Variants in CARD14 observed in about 807,000 individuals in gnomAD.
The protein encoded by CARD14 is caspase recruitment domain-containing protein 14.
A neutral mutation model predicts 111.5 loss-of-function variants in CARD14; 107 were observed. That is an observed-to-expected ratio of 0.96 (90% CI 0.82 to 1.13). CARD14 has a LOEUF of 1.13. Ranked by LOEUF, CARD14 falls within the 50% of genes most tolerant of loss-of-function variation. The pLI, the probability that CARD14 is intolerant of heterozygous loss-of-function variation, is 0.00. For synonymous variants in CARD14, 617 were observed against 579.6 expected (o/e 1.06, Z -0.93); for missense variants, 1,322 against 1,362.3 (o/e 0.97, Z 0.47).
At chr17:80,196,273 G>T (rs2040710088) in intron 14 of CARD14, 1 of 152,208 alleles carries the variant, frequency 6.6e-6, no homozygotes, top group South Asian at 2.1e-4. Flanking sequence ...GCCACCAGGG[G>T]GCGCAAGTGC....
In CARD14 at chr17:80,202,301, C is replaced by T. The variant is rs1404765079; in HGVS notation, c.2100C>T (p.Asn700=). ...RAKGELQVHC[N]EVLHVTDTMF... ...AAGGGGAGCTGCAGGTGCATTGCAA[C>T]GAGGTCCTGCACGTCACCGACACCA... The change falls in exon 18 of 24, where the codon AAC becomes AAT. Residue 700 remains asparagine, a synonymous_variant. Coordinates refer to ENST00000648509, the MANE Select transcript of CARD14 (RefSeq NM_001366385.1). 1.1e-5 allele frequency: 17 copies of T among 1,613,644 alleles called. No homozygotes were observed. Among genetic ancestry groups the T allele is most frequent in the African/African-American group, 2.7e-5 (2 of 74,922 alleles).
chr17:80,198,658 A>G lies in CARD14; in HGVS notation c.1851+67A>G, dbSNP rs1405982422. 1 of 1,607,280 alleles carries G rather than the reference A, an allele frequency of 6.2e-7. No homozygotes were observed. Among genetic ancestry groups the G allele is most frequent in the South Asian group, 1.1e-5 (1 of 90,928 alleles). On this transcript the variant is annotated intron_variant, in intron 16 of 23. Transcript: ENST00000648509. This position sits in a 1 kb window ranked among gnomAD's most constrained non-coding sequence, Gnocchi z 7.5. ...GGGGACAGTGGCAGCGGGTGGGGTG[A>G]CCCAGGCAGACTTCACCTCCCCCAG... is the stretch of plus-strand genomic sequence containing the variant.
Position 80,192,612 on chromosome 17 carries a change from C to T in CARD14, c.1349C>T (p.Ser450Phe), listed in dbSNP as rs778834066. Residue 450 changes from serine to phenylalanine, a missense_variant, in exon 12 of 24, where the codon TCC (serine) becomes TTC (phenylalanine). Transcript: ENST00000648509. ...RDDSDCSLVS[S>F]TESQLLSDLS... ...GACAGCGACTGCAGCCTCGTCAGCT[C>T]CACAGAGGTACGGCCGCTCCTCCCG... 13 of 1,611,658 alleles carry T rather than the reference C, an allele frequency of 8.1e-6. No homozygotes were observed. Among genetic ancestry groups the T allele is most frequent in the East Asian group, 6.7e-5 (3 of 44,868 alleles).
In CARD14 at chr17:80,188,640, G is replaced by C. The variant is rs2040421828; in HGVS notation, c.843+96G>C. 1 of 1,246,018 alleles carries C rather than the reference G, an allele frequency of 8.0e-7. No homozygotes were observed. 77.2% of individuals were successfully genotyped at this position (1,246,018 alleles called of 1,614,324 possible). A position where few individuals can be genotyped will look rare whatever the true frequency, so the allele number is the denominator to read the frequency against. Reference sequence around the variant, plus strand: ...CTGACAGGTGGTTTAGTTAAGGTGAGGCTAAGAACAAGAGATGAAATTTAG... The same window carrying C: ...CTGACAGGTGGTTTAGTTAAGGTGACGCTAAGAACAAGAGATGAAATTTAG... On this transcript the variant is annotated intron_variant, in intron 8 of 23. Coordinates refer to ENST00000648509, the MANE Select transcript of CARD14 (RefSeq NM_001366385.1). This position sits in a 1 kb window ranked among gnomAD's most constrained non-coding sequence, Gnocchi z 4.5.
chr17:80,184,602 G>T (rs1336453354), intron 7 of CARD14, among the ~76,000 whole-genome samples: 1 of 152,260 alleles, frequency 6.6e-6, no homozygotes, highest in Non-Finnish European at 1.5e-5. Flanking sequence ...AGTGACATGG[G>T]ATAGTCGGCC....
rs1024202736 is a variant in CARD14, at chr17:80,202,220, G to A, written c.2019G>A (p.Ala673=). 3.6e-5 allele frequency: 58 copies of A among 1,613,838 alleles called. No homozygotes were observed. Among genetic ancestry groups the A allele is most frequent in the Middle Eastern group, 1.6e-4 (1 of 6,084 alleles). ...RLLQDLEAKV[A]TSGDSFYIRV... is the part of the protein sequence containing the mutation. ...TCCAGGACCTGGAGGCCAAAGTGGC[G>A]ACCTCGGGGGACTCATTCTACATCC... Residue 673 remains alanine (A), a synonymous_variant, in exon 18 of 24, where the codon GCG becomes GCA. Transcript: ENST00000648509.
At position 80,206,961 on chromosome 17, in the gene CARD14, C is replaced by T. The variant is rs2144605822; in HGVS notation, c.2692-9C>T. ...ATCTTGACTCACTTCTTCTCTCCCT[C>T]CCACAAAGAACACCCATGCCCTCCT... is the stretch of plus-strand genomic sequence containing the variant. On this transcript the variant is annotated splice_polypyrimidine_tract_variant and intron_variant, in intron 22 of 23. Coordinates refer to ENST00000648509, the MANE Select transcript of CARD14 (RefSeq NM_001366385.1). The T allele has an allele frequency of 1.2e-6, 2 of 1,601,794 alleles. No individual in the cohort carries two copies. Among genetic ancestry groups the T allele is most frequent in the Non-Finnish European group, 1.7e-6 (2 of 1,170,676 alleles).
rs937454631 is a variant in CARD14 at position 80,208,193 on chromosome 17, CAGG to C, written c.2870_2872del (p.Glu957del). The C allele has an allele frequency of 1.2e-5, 19 of 1,552,666 alleles. No individual in the cohort carries two copies. Among genetic ancestry groups the C allele is most frequent in the African/African-American group, 2.7e-5 (2 of 73,558 alleles). ...GGAGCAGCTCCTGGAGGCTGCGAGGCAGGAGGAGGGAGACCTGGACCGGGCGCC... is the reference window on the plus strand; with the variant it reads ...GGAGCAGCTCCTGGAGGCTGCGAGGCAGGAGGGAGACCTGGACCGGGCGCC... On this transcript the variant is annotated inframe_deletion, in exon 24 of 24. Coordinates refer to ENST00000648509, the MANE Select transcript of CARD14 (RefSeq NM_001366385.1).
At chr17:80,183,024 G>A (rs1258420496) in intron 6 of CARD14, among the ~76,000 whole-genome samples, 1 of 152,204 alleles carries the variant, frequency 6.6e-6, no homozygotes, top group Non-Finnish European at 1.5e-5. Context: ...TAGTTACCCA[G>A]TGCCAAAAGG....
chr17:80,192,374 C>T, intron 11 of CARD14, 129 bp from the exon 12 acceptor site: 1 of 650,402 alleles, frequency 1.5e-6, no homozygotes, highest in South Asian at 2.1e-5. Context: ...CAATTGTTTT[C>T]CCTGGAAGCT....
chr17:80,189,020 C>T lies in CARD14; in HGVS notation c.843+476C>T, dbSNP rs1231708875. Among the ~76,000 whole-genome samples the T allele has an allele frequency of 6.6e-6, 1 of 152,198 alleles. No individual in the cohort carries two copies. Among genetic ancestry groups the T allele is most frequent in the African/African-American group, 2.4e-5 (1 of 41,446 alleles). ...GAGCTGAGATCACGCCACTGCACTCCAGCCTGGCGACAGAGGGAGACCCTG... is the reference window on the plus strand; with the variant it reads ...GAGCTGAGATCACGCCACTGCACTCTAGCCTGGCGACAGAGGGAGACCCTG... On this transcript the variant is annotated intron_variant, in intron 8 of 23. Coordinates refer to ENST00000648509, the MANE Select transcript of CARD14 (RefSeq NM_001366385.1). The surrounding 1 kb of genome is among the most constrained non-coding windows in gnomAD (Gnocchi z 4.7).
intron 21 of CARD14, 96 bp from the exon 22 acceptor site, chr17:80,205,435 C>A: frequency 6.7e-7 from 1 of 1,485,446 alleles, no homozygotes; most frequent in Non-Finnish European, 9.1e-7. Context: ...TCTCCCAGTG[C>A]TGGCAGGGTT....
intron 4 of CARD14, among the ~76,000 whole-genome samples, chr17:80,179,867 G>A (rs2040113832): frequency 6.6e-6 from 1 of 152,194 alleles, no homozygotes; most frequent in South Asian, 2.1e-4. Flanking sequence ...TAGAATGTCT[G>A]GCCAGAGAGG....
rs1169629109 is a variant in CARD14, at chr17:80,202,222, C to T, written c.2021C>T (p.Thr674Ile). ...LLQDLEAKVA[T>I]SGDSFYIRVN... ...CAGGACCTGGAGGCCAAAGTGGCGA[C>T]CTCGGGGGACTCATTCTACATCCGG... is the stretch of plus-strand genomic sequence containing the variant. The change falls in exon 18 of 24, where the codon ACC becomes ATC. Residue 674 changes from threonine (T) to isoleucine (I), a missense_variant. By Grantham distance (89) the Thr-to-Ile change is moderately conservative. Transcript: ENST00000648509. The T allele has an allele frequency of 1.2e-6, 2 of 1,613,866 alleles. No homozygotes were observed. Among genetic ancestry groups the T allele is most frequent in the African/African-American group, 1.3e-5 (1 of 74,916 alleles).
intron 1 of CARD14, among the ~76,000 whole-genome samples, chr17:80,171,267 CCT>C (rs1413933017): frequency 2.8e-5 from 4 of 144,782 alleles, no homozygotes; most frequent in African/African-American, 7.6e-5. Context: ...TCCCTTCCTT[CCT>C]CTCTCTTTCT....
At position 80,208,509 on chromosome 17, in the gene CARD14, TCACA is replaced by T. The variant is rs201730862; in HGVS notation, c.*169_*172del. The T allele has an allele frequency of 0.013, 7,950 of 590,948 alleles. 73 individuals are homozygous for T. The highest frequency in any genetic ancestry group is 0.016 in the Non-Finnish European group (5,407 of 344,866). The allele number at this position is 590,948 out of a possible 1,614,324, so 36.6% of individuals were successfully genotyped here. On this transcript the variant is annotated 3_prime_UTR_variant, in exon 24 of 24. Transcript: ENST00000648509. Reference sequence around the variant, plus strand: ...ACCTTGAACCCTCACCACGTGCAGGTCACACACAGTGAAGCCACTTGTAACTGCA... The same window carrying T: ...ACCTTGAACCCTCACCACGTGCAGGTCACAGTGAAGCCACTTGTAACTGCA...
chr17:80,176,421 C>T (rs1315006726), intron 2 of CARD14, among the ~76,000 whole-genome samples: 2 of 112,796 alleles, frequency 1.8e-5, no homozygotes, highest in Non-Finnish European at 3.4e-5. Flanking sequence ...GCCTGAGCAA[C>T]AGAGCAAGAC....
intron 11 of CARD14, among the ~76,000 whole-genome samples, chr17:80,191,996 C>T (rs1295775077): frequency 6.6e-6 from 1 of 152,220 alleles, no homozygotes; most frequent in Non-Finnish European, 1.5e-5. Context: ...GAGCTCCTCC[C>T]TCCGCATGCG....
Position 80,203,696 on chromosome 17 carries a change from G to A in CARD14, c.2220-126G>A. On this transcript the variant is annotated intron_variant, in intron 18 of 23. Coordinates refer to ENST00000648509, the MANE Select transcript of CARD14 (RefSeq NM_001366385.1). The surrounding 1 kb of genome is among the most constrained non-coding windows in gnomAD (Gnocchi z 4.6). ...TCCAGCCTGCAGCAAAGGGATGTGT[G>A]GAGCTCTAGGTGGAGGCCCTTCTCT... The A allele has an allele frequency of 5.0e-6, 3 of 602,972 alleles. No individual in the cohort carries two copies. The highest frequency in any genetic ancestry group is 6.5e-5 in the Admixed American group (2 of 30,728). The allele number at this position is 602,972 out of a possible 1,614,324, so 37.4% of individuals were successfully genotyped here.
Sources: gnomAD v4.1 joint callset for allele counts (sites outside exome capture counted in the v4.1 genomes callset) on GRCh38, gnomAD v4.1.1 for gene constraint, Gnocchi (gnomAD v3.1) non-coding constraint, MANE v1.5 for transcripts, NCBI Gene and HGNC (gene_info 2026-07-23, HGNC 2026-07-21) for gene names.